GRAMD1C: variants seen among roughly 807,000 people sequenced by gnomAD.
The protein encoded by GRAMD1C is protein Aster-C.
GRAMD1C carries 89 observed loss-of-function variants against 97.8 expected under a neutral mutation model. The ratio of observed to expected loss-of-function variants is 0.91; its 90% CI spans 0.77 to 1.09. The LOEUF (loss-of-function observed/expected upper bound fraction) is 1.09. Among genes scored for constraint, GRAMD1C ranks in the 50% least tolerant of loss-of-function variants. The pLI is 0.00. For synonymous variants in GRAMD1C, 256 were observed against 267.0 expected (o/e 0.96, Z 0.40); for missense variants, 740 against 766.4 (o/e 0.97, Z 0.41).
chr3:113,890,661 T>C (rs1224750571), intron 6 of GRAMD1C: 4 of 668,008 alleles, frequency 6.0e-6, no homozygotes, highest in Non-Finnish European at 1.1e-5. Flanking sequence ...AGGTGCATTC[T>C]CTCATTCTAG....
At chr3:113,860,460 G>A (rs1203455542) in intron 2 of GRAMD1C, among the ~76,000 whole-genome samples, 1 of 152,144 alleles carries the variant, frequency 6.6e-6, no homozygotes, top group Non-Finnish European at 1.5e-5. Flanking sequence ...ATACTTCTCA[G>A]ACTAATCTAC....
chr3:113,838,893 C>T lies in GRAMD1C; in HGVS notation c.-17C>T. The T allele has an allele frequency of 1.6e-6, 2 of 1,231,692 alleles. No individual in the cohort carries two copies. Among genetic ancestry groups the T allele is most frequent in the Non-Finnish European group, 2.0e-6 (2 of 986,258 alleles). The allele number at this position is 1,231,692 out of a possible 1,614,324, so 76.3% of individuals were successfully genotyped here. On this transcript the variant is annotated 5_prime_UTR_variant, in exon 1 of 18. Coordinates refer to ENST00000358160, the MANE Select transcript of GRAMD1C (RefSeq NM_017577.5). The stretch of plus-strand genomic sequence containing the variant: ...CGGTGCGCGCGGGGCGGTGCCGCGG[C>T]GGCGGAGGGAGCCGCGATGGAGGGC...
upstream of GRAMD1C, among the ~76,000 whole-genome samples, chr3:113,838,062 G>A (rs1397777767): frequency 6.6e-6 from 1 of 152,168 alleles, no homozygotes; most frequent in East Asian, 1.9e-4. Flanking sequence ...TCAGACTTAA[G>A]GTCTGTGTTG....
chr3:113,915,945 CATGCTTTGCTTTTAT>C, intron 10 of GRAMD1C, 107 bp downstream of exon 10: 1 of 865,094 alleles, frequency 1.2e-6, no homozygotes, highest in Non-Finnish European at 1.8e-6. Context: ...AAGAATTAGA[CATGCTTTGCTTTTAT>C]GTTGACAGTA....
chr3:113,846,558 A>G (rs1933622314), intron 2 of GRAMD1C, among the ~76,000 whole-genome samples: 2 of 152,168 alleles, frequency 1.3e-5, no homozygotes, highest in Non-Finnish European at 2.9e-5. Flanking sequence ...AAGCAAAGGA[A>G]GGAGATAATT....
At position 113,845,257 on chromosome 3, in the gene GRAMD1C, T is replaced by A. The variant is rs113493808; in HGVS notation, c.174+608T>A. ...TCTGTATGTTACAAATGCTAACATT[T>A]ATTATATTAAAGGACTCATTCTAAA... On this transcript the variant is annotated intron_variant, in intron 2 of 17. Transcript: ENST00000358160. Among the ~76,000 whole-genome samples, 1,492 of 152,296 alleles carry A rather than the reference T, an allele frequency of 9.8e-3. 17 individuals are homozygous for A. Among genetic ancestry groups the A allele is most frequent in the South Asian group, 0.031 (149 of 4,822 alleles).
intron 10 of GRAMD1C, among the ~76,000 whole-genome samples, chr3:113,924,689 G>A (rs950249434): frequency 2.6e-4 from 40 of 152,176 alleles, no homozygotes; most frequent in Admixed American, 1.6e-3. Flanking sequence ...ATGGCTGATT[G>A]TGTGGTCGAT....
At chr3:113,881,287 T>G (rs1279410801) in intron 5 of GRAMD1C, among the ~76,000 whole-genome samples, 3 of 152,124 alleles carry the variant, frequency 2.0e-5, no homozygotes, top group Non-Finnish European at 4.4e-5. Context: ...CCCGAGAAGC[T>G]GGGACTACAG....
At chr3:113,860,168 C>T (rs753112542) in intron 2 of GRAMD1C, among the ~76,000 whole-genome samples, 80 of 152,010 alleles carry the variant, frequency 5.3e-4, no homozygotes, top group African/African-American at 1.2e-3. Flanking sequence ...ATTACAGGCG[C>T]GTGCCACCAC....
chr3:113,917,291 A>G (rs1400740189), intron 10 of GRAMD1C, among the ~76,000 whole-genome samples: 2 of 152,338 alleles, frequency 1.3e-5, no homozygotes, highest in South Asian at 2.1e-4. Context: ...GTCATTTGAC[A>G]TAGTCAAAGA....
intron 1 of GRAMD1C, among the ~76,000 whole-genome samples, chr3:113,833,417 G>T (rs185440526): frequency 6.6e-6 from 1 of 151,888 alleles, no homozygotes; most frequent in African/African-American, 2.4e-5. Context: ...GATTACAGGC[G>T]TGAGCCACCA....
chr3:113,917,777 C>T (rs2107344041), intron 10 of GRAMD1C, among the ~76,000 whole-genome samples: 1 of 151,844 alleles, frequency 6.6e-6, no homozygotes, highest in Middle Eastern at 3.4e-3. Context: ...ACTGCAACCT[C>T]CGCCTCCTGG....
Position 113,927,434 on chromosome 3 carries a change from C to T in GRAMD1C, c.1091-3280C>T, listed in dbSNP as rs574698688. 3.9e-5 allele frequency among the ~76,000 whole-genome samples: 6 copies of T among 152,302 alleles called. No individual in the cohort carries two copies. The South Asian group carries it at 1.2e-3, about 32-fold the overall frequency. ...CAGGTCAACCCTGCAGCAAGAATTACACTCTGCCCCTCCACTGGCTTGCAA... is the reference window on the plus strand; with the variant it reads ...CAGGTCAACCCTGCAGCAAGAATTATACTCTGCCCCTCCACTGGCTTGCAA... On this transcript the variant is annotated intron_variant, in intron 10 of 17. Transcript: ENST00000358160.
intron 2 of GRAMD1C, among the ~76,000 whole-genome samples, chr3:113,846,128 CAG>C (rs1933600788): frequency 1.4e-5 from 2 of 148,006 alleles, no homozygotes; most frequent in South Asian, 2.1e-4. Context: ...TTTTTTGAGG[CAG>C]AGTTTCGCTC....
intron 10 of GRAMD1C, chr3:113,919,842 A>G (rs1223893794): frequency 1.5e-6 from 1 of 648,966 alleles, no homozygotes; most frequent in East Asian, 4.0e-5. Flanking sequence ...CAACATATGG[A>G]GTTACAACTG....
intron 7 of GRAMD1C, among the ~76,000 whole-genome samples, chr3:113,902,882 C>A (rs1936227767): frequency 6.6e-6 from 1 of 151,968 alleles, no homozygotes; most frequent in South Asian, 2.1e-4. Flanking sequence ...CTTAAGTGAT[C>A]CACCCTGCCT....
At chr3:113,935,487 AATAT>A (rs10554842) in intron 13 of GRAMD1C, among the ~76,000 whole-genome samples, 5 of 150,082 alleles carry the variant, frequency 3.3e-5, no homozygotes, top group East Asian at 2.0e-4. Flanking sequence ...ACATGCGAGA[AATAT>A]ATATATATAT....
intron 2 of GRAMD1C, among the ~76,000 whole-genome samples, chr3:113,845,174 C>T (rs1262850811): frequency 1.3e-5 from 2 of 152,146 alleles, no homozygotes; most frequent in Non-Finnish European, 2.9e-5. Flanking sequence ...GAAAATGAGA[C>T]TACTGCTTGT....
At chr3:113,853,194 G>A (rs1209044371) in intron 2 of GRAMD1C, among the ~76,000 whole-genome samples, 3 of 152,168 alleles carry the variant, frequency 2.0e-5, no homozygotes, top group African/African-American at 7.2e-5. Flanking sequence ...TGAAAAATAT[G>A]GTCACTGAAA....
Sources: gnomAD v4.1 joint callset for allele counts (sites outside exome capture counted in the v4.1 genomes callset) on GRCh38, gnomAD v4.1.1 for gene constraint, MANE v1.5 for transcripts, NCBI Gene and HGNC (gene_info 2026-07-23, HGNC 2026-07-21) for gene names.